The following ELAVL1 variants were observed in gnomAD, a reference collection of about 807,000 sequenced individuals.
ELAVL1 encodes the protein ELAV like RNA binding protein 1.
Under a neutral mutation model 28.4 loss-of-function variants are expected in ELAVL1, and 1 was observed. That is an observed-to-expected ratio of 0.04 (90% CI 0.01 to 0.17). The LOEUF is 0.17. Ranked by LOEUF, ELAVL1 falls within the 10% of genes least tolerant of loss-of-function variation. ELAVL1 has a pLI of 1.00. For missense variants in ELAVL1, 157 were observed against 447.2 expected (o/e 0.35, Z 5.85); for synonymous variants, 174 against 183.5 (o/e 0.95, Z 0.42).
At position 7,974,813 on chromosome 19, in the gene ELAVL1, G is replaced by A. The variant is rs74712552; in HGVS notation, c.277-935C>T. On this transcript the variant is annotated intron_variant, in intron 3 of 5. Transcript: ENST00000407627. ...TGAGACCAGAACGCAGGGAGAAGCC[G>A]CCACTCAGGAGTCACTGGGCAGAAT... Among the ~76,000 whole-genome samples the A allele has an allele frequency of 1.2e-4, 19 of 152,300 alleles. No homozygotes were observed. The East Asian group carries it at 3.7e-3, about 29-fold the overall frequency.
chr19:7,977,859 C>T (rs1043293638), intron 3 of ELAVL1, among the ~76,000 whole-genome samples: 16 of 152,254 alleles, frequency 1.1e-4, no homozygotes, highest in African/African-American at 3.6e-4. Flanking sequence ...GGCCAGCCTG[C>T]AGTTCCCATG....
chr19:7,966,941 C>T (rs768149350), intron 5 of ELAVL1, among the ~76,000 whole-genome samples: 7 of 152,074 alleles, frequency 4.6e-5, no homozygotes, highest in African/African-American at 1.4e-4. Flanking sequence ...TTAAAGCTCG[C>T]GGCTCCGTTC....
At position 7,981,697 on chromosome 19, in the gene ELAVL1, T is replaced by C. The variant is rs1270801293; in HGVS notation, c.173-511A>G. Among the ~76,000 whole-genome samples the C allele has an allele frequency of 6.6e-6, 1 of 152,204 alleles. No individual in the cohort carries two copies. Among genetic ancestry groups the C allele is most frequent in the Non-Finnish European group, 1.5e-5 (1 of 68,036 alleles). ...AGAGGTTTTACTTTTGTAATTAAAA[T>C]AACCCCAAAAGTTATTTACAAAGGA... is the stretch of plus-strand genomic sequence containing the variant. On this transcript the variant is annotated intron_variant, in intron 2 of 5. Coordinates refer to ENST00000407627, the MANE Select transcript of ELAVL1 (RefSeq NM_001419.3). The surrounding 1 kb of genome is among the most constrained non-coding windows in gnomAD (Gnocchi z 4.2).
At chr19:7,970,577 G>C (rs936369749) in intron 4 of ELAVL1, among the ~76,000 whole-genome samples, 2 of 152,130 alleles carry the variant, frequency 1.3e-5, no homozygotes, top group Non-Finnish European at 2.9e-5. Flanking sequence ...CACGGCCCCC[G>C]GCCCCCTTGT....
chr19:7,973,596 A>C, intron 4 of ELAVL1, 129 bp downstream of exon 4: 1 of 1,198,678 alleles, frequency 8.3e-7, no homozygotes. Flanking sequence ...ACGTCTTCTC[A>C]TTTTGGTGCT....
intron 2 of ELAVL1, among the ~76,000 whole-genome samples, chr19:7,986,249 G>A (rs763761272): frequency 1.3e-5 from 2 of 152,226 alleles, no homozygotes; most frequent in Admixed American, 6.5e-5. Context: ...GGCAGGTCCC[G>A]TGAGTTCTCT....
intron 1 of ELAVL1, chr19:8,002,237 T>C: frequency 1.3e-6 from 1 of 783,950 alleles, no homozygotes; most frequent in Non-Finnish European, 1.9e-6. Context: ...CCTATTGTCT[T>C]TGCCTGGTTA....
At chr19:7,992,574 G>C (rs934078037) in intron 1 of ELAVL1, among the ~76,000 whole-genome samples, 3 of 152,230 alleles carry the variant, frequency 2.0e-5, no homozygotes, top group African/African-American at 7.2e-5. Context: ...GGTTGCCAGC[G>C]ATGCAGGTCG....
chr19:7,983,584 G>A (rs537795808), intron 2 of ELAVL1, among the ~76,000 whole-genome samples: 6 of 152,116 alleles, frequency 3.9e-5, no homozygotes, highest in African/African-American at 9.7e-5. Context: ...ACCTGCTCTC[G>A]AAGTGCTCAG....
rs113324117 is a variant in ELAVL1, at chr19:7,970,614, C to T, written c.431-2824G>A. On this transcript the variant is annotated intron_variant, in intron 4 of 5. Transcript: ENST00000407627. ...TTTTTTAGAATTTAACAGCAGAGTC[C>T]AAGAAACGGCATAATCTCCAGATGA... Among the ~76,000 whole-genome samples, 673 of 152,132 alleles carry T rather than the reference C, an allele frequency of 4.4e-3. 5 individuals are homozygous for T. The highest frequency in any genetic ancestry group is 0.015 in the African/African-American group (642 of 41,476).
At position 7,982,858 on chromosome 19, in the gene ELAVL1, C is replaced by T. The variant is rs956090543; in HGVS notation, c.173-1672G>A. ...ACTGGTCGGACATCCCGTAGACTCT[C>T]GATTGGGTTTGCTGGAGTCTGTCAC... On this transcript the variant is annotated intron_variant, in intron 2 of 5. Transcript: ENST00000407627. This position sits in a 1 kb window ranked among gnomAD's most constrained non-coding sequence, Gnocchi z 4.3. Among the ~76,000 whole-genome samples the T allele has an allele frequency of 2.6e-5, 4 of 152,214 alleles. No homozygotes were observed. The highest frequency in any genetic ancestry group is 9.6e-5 in the African/African-American group (4 of 41,456).
chr19:7,983,412 C>A (rs1167248798), intron 2 of ELAVL1, among the ~76,000 whole-genome samples: 1 of 152,200 alleles, frequency 6.6e-6, no homozygotes, highest in Non-Finnish European at 1.5e-5. Context: ...TTGTGACACA[C>A]TCAGCACACG....
At chr19:7,995,334 C>T (rs966138273) in intron 1 of ELAVL1, among the ~76,000 whole-genome samples, 12 of 152,310 alleles carry the variant, frequency 7.9e-5, no homozygotes, top group African/African-American at 2.9e-4. Flanking sequence ...CTCGCCCTTT[C>T]TCTAAGAGTT....
chr19:7,974,761 G>C (rs2145207538), intron 3 of ELAVL1, among the ~76,000 whole-genome samples: 1 of 152,270 alleles, frequency 6.6e-6, no homozygotes, highest in East Asian at 1.9e-4. Context: ...TTGAGTGAGG[G>C]GCACAGAACT....
chr19:7,959,943 T>TA lies in ELAVL1; in HGVS notation c.*3539dup, dbSNP rs1984758126. The TA allele has an allele frequency of 6.6e-6, 1 of 152,192 alleles. No individual in the cohort carries two copies. Among genetic ancestry groups the TA allele is most frequent in the Admixed American group, 6.5e-5 (1 of 15,282 alleles). The allele number at this position is 152,192 out of a possible 1,614,324, so 9.4% of individuals were successfully genotyped here. A position where few individuals can be genotyped will look rare whatever the true frequency, so the allele number is the denominator to read the frequency against. Reference sequence around the variant, plus strand: ...AGAGGCCTCCTGTCAGCTGAATTCTTATTCTCTTTCATCCAACACAGGAAG... The same window carrying TA: ...AGAGGCCTCCTGTCAGCTGAATTCTTAATTCTCTTTCATCCAACACAGGAAG... On this transcript the variant is annotated 3_prime_UTR_variant, in exon 6 of 6. Transcript: ENST00000407627.
intron 4 of ELAVL1, among the ~76,000 whole-genome samples, chr19:7,971,040 C>T (rs1412501339): frequency 2.6e-5 from 4 of 152,200 alleles, no homozygotes; most frequent in Non-Finnish European, 5.9e-5. Flanking sequence ...CTCCTGGCTC[C>T]CTTCTCTCTG....
chr19:7,993,922 T>C (rs1396717626), intron 1 of ELAVL1, among the ~76,000 whole-genome samples: 1 of 152,034 alleles, frequency 6.6e-6, no homozygotes, highest in Non-Finnish European at 1.5e-5. Flanking sequence ...TTAGGTCTGG[T>C]TTCTTTCTTC....
At chr19:7,998,585 T>C (rs1215579098) in intron 1 of ELAVL1, among the ~76,000 whole-genome samples, 1 of 152,236 alleles carries the variant, frequency 6.6e-6, no homozygotes, top group Non-Finnish European at 1.5e-5. Context: ...GGCCTCTGCT[T>C]TGGCTGTTCC....
chr19:7,966,140 T>C (rs2069678136), intron 5 of ELAVL1, among the ~76,000 whole-genome samples: 1 of 151,984 alleles, frequency 6.6e-6, no homozygotes, highest in South Asian at 2.1e-4. Flanking sequence ...AAGACCAGCC[T>C]GGGCAACACA....
Sources: allele counts gnomAD v4.1 joint callset (sites outside exome capture counted in the v4.1 genomes callset), GRCh38; gene constraint gnomAD v4.1.1; non-coding constraint Gnocchi (gnomAD v3.1); transcripts MANE v1.5; gene names NCBI Gene and HGNC (gene_info 2026-07-23, HGNC 2026-07-21).